Variants in ZC3H13 observed in about 807,000 individuals in gnomAD.
ZC3H13 encodes zinc finger CCCH domain-containing protein 13.
A neutral mutation model predicts 204.1 loss-of-function variants in ZC3H13; 64 were observed. The observed-to-expected ratio is 0.31, with a 90% CI of 0.26 to 0.39. The LOEUF is 0.39. Ranked by LOEUF, ZC3H13 falls within the 10% of genes least tolerant of loss-of-function variation. The pLI, the probability that ZC3H13 is intolerant of heterozygous loss-of-function variation, is 1.00. For synonymous variants in ZC3H13, 667 were observed against 693.7 expected (o/e 0.96, Z 0.60); for missense variants, 1,833 against 2,082.7 (o/e 0.88, Z 2.33).
At chr13:46,001,620 T>C (rs2040749828) in intron 8 of ZC3H13, among the ~76,000 whole-genome samples, 1 of 152,198 alleles carries the variant, frequency 6.6e-6, no homozygotes. Flanking sequence ...CAACTCCTCA[T>C]AACACAAATG....
At chr13:46,038,256 C>G (rs1380016819) in intron 4 of ZC3H13, among the ~76,000 whole-genome samples, 1 of 152,204 alleles carries the variant, frequency 6.6e-6, no homozygotes, top group African/African-American at 2.4e-5. Flanking sequence ...AAACTCCTTA[C>G]AGTTCTTGTG....
chr13:45,989,082 T>G lies in ZC3H13; in HGVS notation c.960A>C (p.Ala320=), dbSNP rs773914854. 8 of 1,613,476 alleles carry G rather than the reference T, an allele frequency of 5.0e-6. No individual in the cohort carries two copies. The highest frequency in any genetic ancestry group is 6.8e-6 in the Non-Finnish European group (8 of 1,179,428). Residue 320 remains alanine, a synonymous_variant, in exon 9 of 19, where the codon GCA becomes GCC. Coordinates refer to ENST00000679008, the MANE Select transcript of ZC3H13 (RefSeq NM_001330564.2). The stretch of plus-strand genomic sequence containing the variant: ...AAGATATAGGAGAATGATGCTGTCC[T>G]GCTGGGGAAGTAGACCTACAAGGGA... ...KRDKPRSTSP[A]GQHHSPISSR... is the part of the protein sequence containing the mutation.
chr13:45,983,413 A>ATTTTTTTTTTT (rs1555277661), intron 10 of ZC3H13, among the ~76,000 whole-genome samples: 4 of 31,132 alleles, frequency 1.3e-4, no homozygotes, highest in Admixed American at 5.3e-4. Flanking sequence ...ATATATATAT[A>ATTTTTTTTTTT]TTTTTTTTTT....
At chr13:45,988,422 TA>T (rs1404367642) in intron 9 of ZC3H13, among the ~76,000 whole-genome samples, 9 of 152,272 alleles carry the variant, frequency 5.9e-5, no homozygotes, top group Admixed American at 1.3e-4. Flanking sequence ...CATGCCCAGC[TA>T]ATTTTTTGTA....
intron 17 of ZC3H13, among the ~76,000 whole-genome samples, 164 bp from the exon 18 acceptor site, chr13:45,959,810 C>A (rs961074553): frequency 9.9e-5 from 15 of 152,134 alleles, no homozygotes; most frequent in African/African-American, 2.4e-5. Flanking sequence ...GCACCTTCAA[C>A]ACGTAGTTAT....
chr13:45,962,499 G>A (rs2137776238), intron 17 of ZC3H13: 1 of 983,666 alleles, frequency 1.0e-6, no homozygotes, highest in South Asian at 4.7e-5. Context: ...GGAGTTATTT[G>A]CTTAAGGTCA....
chr13:46,032,857 C>T (rs1187461744), intron 4 of ZC3H13, among the ~76,000 whole-genome samples: 1 of 151,950 alleles, frequency 6.6e-6, no homozygotes, highest in East Asian at 1.9e-4. Context: ...ATAGAATGAT[C>T]TCTGGTACAG....
intron 4 of ZC3H13, among the ~76,000 whole-genome samples, chr13:46,023,361 G>A (rs562582772): frequency 6.6e-6 from 1 of 152,196 alleles, no homozygotes; most frequent in Non-Finnish European, 1.5e-5. Flanking sequence ...CCTCTCTAGA[G>A]GTTCTACCTC....
rs2042535470 is a variant in ZC3H13, at chr13:46,026,204, G to T, written c.340-5647C>A. 2.0e-5 allele frequency among the ~76,000 whole-genome samples: 3 copies of T among 151,748 alleles called. No individual in the cohort carries two copies. In the South Asian group the frequency reaches 6.2e-4, roughly 32 times the overall value. On this transcript the variant is annotated intron_variant, in intron 4 of 18. Coordinates refer to ENST00000679008, the MANE Select transcript of ZC3H13 (RefSeq NM_001330564.2). ...ATATAAATTAAATTAGCTCATCTCA[G>T]AAAAAACAAGTAAGAAATATACAGA...
Position 45,969,112 on chromosome 13 carries a change from G to C in ZC3H13, c.3432C>G (p.Thr1144=). ...AITISTSATP[T]NTTNNTFANE... Reference sequence around the variant, plus strand: ...TGGCAAAAGTATTATTGGTGGTATTGGTGGGGGTGGCAGAGGTGGAAATAG... The same window carrying C: ...TGGCAAAAGTATTATTGGTGGTATTCGTGGGGGTGGCAGAGGTGGAAATAG... Residue 1144 remains threonine (T), a synonymous_variant, in exon 14 of 19, where the codon ACC becomes ACG. Coordinates refer to ENST00000679008, the MANE Select transcript of ZC3H13 (RefSeq NM_001330564.2). 1 of 1,614,180 alleles carries C rather than the reference G, an allele frequency of 6.2e-7. No individual in the cohort carries two copies. The highest frequency in any genetic ancestry group is 8.5e-7 in the Non-Finnish European group (1 of 1,180,018).
intron 8 of ZC3H13, among the ~76,000 whole-genome samples, chr13:46,000,213 C>T (rs1031117528): frequency 3.9e-5 from 6 of 152,148 alleles, no homozygotes; most frequent in East Asian, 1.9e-4. Flanking sequence ...GCCTGTTCTT[C>T]GGAGCTTTGA....
At chr13:46,041,753 A>G (rs894519319) in intron 4 of ZC3H13, among the ~76,000 whole-genome samples, 10 of 152,092 alleles carry the variant, frequency 6.6e-5, no homozygotes, top group Non-Finnish European at 1.2e-4. Context: ...TTTCTAGTGC[A>G]GTTTGTTAAC....
Position 45,985,413 on chromosome 13 carries a change from C to T in ZC3H13, c.1604G>A (p.Arg535Lys). The change falls in exon 10 of 19, where the codon AGA becomes AAA. Residue 535 changes from arginine (R) to lysine (K), a missense_variant. By Grantham distance (26) the Arg-to-Lys change is conservative (BLOSUM62 2). Transcript: ENST00000679008. ...ESRSYGRNHLREESSRTEIRN... is the reference protein window; with the variant it reads ...ESRSYGRNHLKEESSRTEIRN... ...TATTTCCGTACGAGAACTTTCTTCTCTCAAATGGTTTCGGCCATAACTCCG... is the reference window on the plus strand; with the variant it reads ...TATTTCCGTACGAGAACTTTCTTCTTTCAAATGGTTTCGGCCATAACTCCG... 1 of 1,614,234 alleles carries T rather than the reference C, an allele frequency of 6.2e-7. No homozygotes were observed. Among genetic ancestry groups the T allele is most frequent in the South Asian group, 1.1e-5 (1 of 91,090 alleles).
chr13:46,029,521 C>T (rs561852110), intron 4 of ZC3H13, among the ~76,000 whole-genome samples: 4 of 150,672 alleles, frequency 2.7e-5, no homozygotes, highest in Admixed American at 6.6e-5. Context: ...CTCCGCCTCC[C>T]GGGTTCACGC....
intron 1 of ZC3H13, among the ~76,000 whole-genome samples, chr13:46,045,901 A>T (rs1424784863): frequency 6.6e-6 from 1 of 152,218 alleles, no homozygotes; most frequent in Non-Finnish European, 1.5e-5. Flanking sequence ...CAAAGTTGTT[A>T]ACCATCAACT....
Position 45,979,906 on chromosome 13 carries a change from T to C in ZC3H13, c.1819A>G (p.Arg607Gly). The C allele has an allele frequency of 6.2e-7, 1 of 1,612,776 alleles. No homozygotes were observed. Residue 607 changes from arginine (R) to glycine (G), a missense_variant, in exon 11 of 19, where the codon AGA (arginine) becomes GGA (glycine). Around this residue, in one of 5 missense-constraint regions of ZC3H13, gnomAD observed 1,574 missense variants for 1,757.2 expected, o/e 0.90. Transcript: ENST00000679008. The part of the protein sequence containing the change: ...ETRSSYPERD[R>G]YPERDNRDQA... ...TCTCTGTTGTCTCTTTCAGGATATC[T>C]ATCTCTTTCAGGATAGCTACTTCGA...
intron 15 of ZC3H13, among the ~76,000 whole-genome samples, chr13:45,967,195 A>G (rs1952162643): frequency 6.6e-6 from 1 of 152,154 alleles, no homozygotes; most frequent in African/African-American, 2.4e-5. Context: ...TTTTTTTAAC[A>G]TCTAAGAAAA....
At chr13:46,013,412 C>CG (rs1555291706) in intron 5 of ZC3H13, among the ~76,000 whole-genome samples, 1 of 104,918 alleles carries the variant, frequency 9.5e-6, no homozygotes, top group African/African-American at 3.6e-5. Flanking sequence ...GACTTCGTCT[C>CG]AAAAAAAAAA....
At chr13:46,028,403 A>G (rs180849162) in intron 4 of ZC3H13, among the ~76,000 whole-genome samples, 1 of 152,336 alleles carries the variant, frequency 6.6e-6, no homozygotes, top group African/African-American at 2.4e-5. Flanking sequence ...TCATAAATGG[A>G]AAGATTCAGC....
Sources: allele counts gnomAD v4.1 joint callset (sites outside exome capture counted in the v4.1 genomes callset), GRCh38; gene constraint gnomAD v4.1.1; regional missense constraint gnomAD v4.1.1; transcripts MANE v1.5; gene names NCBI Gene and HGNC (gene_info 2026-07-23, HGNC 2026-07-21).